Variants in GRHL2 observed in about 807,000 individuals in gnomAD.
The protein encoded by GRHL2 is grainyhead-like protein 2 homolog.
Under a neutral mutation model 83.8 loss-of-function variants are expected in GRHL2, and 21 were observed. The observed-to-expected ratio is 0.25, with a 90% CI of 0.18 to 0.36. The LOEUF is 0.36. Among genes scored for constraint, GRHL2 ranks in the 10% least tolerant of loss-of-function variants. The probability of loss-of-function intolerance (pLI) is 1.00; values close to 1 mark genes in which losing one functional copy is unlikely to be tolerated. For synonymous variants in GRHL2, 280 were observed against 278.9 expected (o/e 1.00, Z -0.04); for missense variants, 623 against 781.8 (o/e 0.80, Z 2.42).
downstream of GRHL2, among the ~76,000 whole-genome samples, chr8:101,670,683 C>G (rs1814190055): frequency 6.6e-6 from 1 of 152,318 alleles, no homozygotes; most frequent in East Asian, 1.9e-4. Flanking sequence ...GGCAGCCTCC[C>G]CCTTGGCCTG....
chr8:101,585,934 G>T (rs1302089667), intron 7 of GRHL2, among the ~76,000 whole-genome samples: 3 of 152,046 alleles, frequency 2.0e-5, no homozygotes, highest in African/African-American at 7.2e-5. Context: ...TGTGATGGGG[G>T]TGGTCCTCGG....
chr8:101,631,822 C>A (rs1416784043), intron 10 of GRHL2, 98 bp downstream of exon 10: 8 of 956,224 alleles, frequency 8.4e-6, no homozygotes, highest in Non-Finnish European at 1.4e-5. Context: ...GGTAAAACTG[C>A]ATACATGCAA....
At chr8:101,495,699 T>G (rs1810087179) in intron 1 of GRHL2, among the ~76,000 whole-genome samples, 1 of 152,180 alleles carries the variant, frequency 6.6e-6, no homozygotes, top group South Asian at 2.1e-4. Context: ...CACATTCAGA[T>G]AGGCGTAATA....
intron 8 of GRHL2, among the ~76,000 whole-genome samples, chr8:101,607,085 G>A (rs1812646969): frequency 6.6e-6 from 1 of 152,180 alleles, no homozygotes; most frequent in Non-Finnish European, 1.5e-5. Flanking sequence ...TCTCAAATGT[G>A]TTCTTTTTTC....
At chr8:101,509,107 CTCCTTCCT>C (rs4002326) in intron 1 of GRHL2, among the ~76,000 whole-genome samples, 1,350 of 94,338 alleles carry the variant, frequency 0.014, 87 homozygotes, top group African/African-American at 0.039. Flanking sequence ...CTTTCTTTCT[CTCCTTCCT>C]TCCTTCCTTC....
chr8:101,641,060 C>G (rs768500798), intron 12 of GRHL2, among the ~76,000 whole-genome samples: 3 of 152,132 alleles, frequency 2.0e-5, no homozygotes, highest in Non-Finnish European at 4.4e-5. Context: ...CTGACCTAGT[C>G]ATGACTTGCA....
At chr8:101,554,865 TTCA>T (rs1296335435) in intron 3 of GRHL2, among the ~76,000 whole-genome samples, 1 of 28,880 alleles carries the variant, frequency 3.5e-5, no homozygotes, top group Non-Finnish European at 2.1e-4. Flanking sequence ...GTTTTAATTA[TTCA>T]TTTTTTAGAT....
chr8:101,616,636 C>T (rs1318004138), intron 8 of GRHL2, among the ~76,000 whole-genome samples: 1 of 152,124 alleles, frequency 6.6e-6, no homozygotes, highest in Non-Finnish European at 1.5e-5. Flanking sequence ...TCTCCATGCC[C>T]AGGGCTCTGT....
intron 9 of GRHL2, among the ~76,000 whole-genome samples, chr8:101,626,156 G>A (rs1350233760): frequency 6.6e-6 from 1 of 152,020 alleles, no homozygotes; most frequent in East Asian, 1.9e-4. Context: ...AGGCAAAAGA[G>A]TTGAGGGCTA....
Position 101,530,655 on chromosome 8 carries a change from A to G in GRHL2, c.21-12586A>G, listed in dbSNP as rs74573002. ...CCCATCACCCCATTCAATTCATTCA[A>G]TAAATATGTGTTGCCTGCTTTCCTG... On this transcript the variant is annotated intron_variant, in intron 1 of 15. Coordinates refer to ENST00000646743, the MANE Select transcript of GRHL2 (RefSeq NM_024915.4). Among the ~76,000 whole-genome samples, 977 of 152,316 alleles carry G rather than the reference A, an allele frequency of 6.4e-3. 7 individuals are homozygous for G. The highest frequency in any genetic ancestry group is 0.022 in the African/African-American group (907 of 41,564).
intron 2 of GRHL2, among the ~76,000 whole-genome samples, chr8:101,549,145 G>C (rs1463337035): frequency 6.7e-6 from 1 of 149,344 alleles, no homozygotes; most frequent in Non-Finnish European, 1.5e-5. Context: ...TAGTGTGGGG[G>C]TAGGAGGGGT....
chr8:101,677,444 A>G, the GRHL2 span, among the ~76,000 whole-genome samples: 1 of 151,780 alleles, frequency 6.6e-6, no homozygotes, highest in Non-Finnish European at 1.5e-5. Flanking sequence ...TACCTCCAAG[A>G]TTGTATATAG....
At chr8:101,548,764 A>G (rs1811317326) in intron 2 of GRHL2, among the ~76,000 whole-genome samples, 1 of 152,194 alleles carries the variant, frequency 6.6e-6, no homozygotes, top group Non-Finnish European at 1.5e-5. Context: ...AGAAGAGCAA[A>G]CCCGCAGGTT....
At chr8:101,673,959 T>G (rs930326595), downstream of GRHL2, among the ~76,000 whole-genome samples, 2 of 152,090 alleles carry the variant, frequency 1.3e-5, no homozygotes, top group African/African-American at 4.8e-5. Context: ...GAATGGCTAC[T>G]GGGTACATAA....
downstream of GRHL2, among the ~76,000 whole-genome samples, chr8:101,671,476 A>T (rs1424103344): frequency 2.8e-5 from 4 of 145,086 alleles, no homozygotes; most frequent in East Asian, 7.7e-4. Context: ...GGCACCTGCA[A>T]GCTGGGGGAG....
intron 11 of GRHL2, among the ~76,000 whole-genome samples, chr8:101,633,726 C>G (rs745852722): frequency 1.3e-5 from 2 of 151,986 alleles, no homozygotes; most frequent in East Asian, 3.9e-4. Flanking sequence ...CATGCCAGTA[C>G]CTATTTTTTT....
At chr8:101,647,142 T>A (rs1484241644) in intron 13 of GRHL2, among the ~76,000 whole-genome samples, 1 of 152,202 alleles carries the variant, frequency 6.6e-6, no homozygotes, top group Non-Finnish European at 1.5e-5. Context: ...CCCAGCACTT[T>A]AGGAGGCTGA....
At chr8:101,624,037 T>TAGG (rs1813023360) in intron 9 of GRHL2, among the ~76,000 whole-genome samples, 1 of 124,132 alleles carries the variant, frequency 8.1e-6, no homozygotes, top group African/African-American at 3.5e-5. Context: ...CAGTTCACAG[T>TAGG]ACACAGTACA....
intron 7 of GRHL2, among the ~76,000 whole-genome samples, chr8:101,595,068 T>C (rs897739090): frequency 6.6e-6 from 1 of 152,202 alleles, no homozygotes; most frequent in African/African-American, 2.4e-5. Flanking sequence ...TTATATTCTG[T>C]CTCTAGGACT....
Sources: allele counts gnomAD v4.1 joint callset (sites outside exome capture counted in the v4.1 genomes callset), GRCh38; gene constraint gnomAD v4.1.1; transcripts MANE v1.5; gene names NCBI Gene and HGNC (gene_info 2026-07-23, HGNC 2026-07-21).